DOCK4: variants seen among roughly 807,000 people sequenced by gnomAD.
DOCK4 encodes the protein dedicator of cytokinesis protein 4.
A neutral mutation model predicts 268.1 loss-of-function variants in DOCK4; 97 were observed. The ratio of observed to expected loss-of-function variants is 0.36; its 90% CI spans 0.31 to 0.43. The LOEUF is 0.43. Ranked by LOEUF, DOCK4 falls within the 20% of genes least tolerant of loss-of-function variation. DOCK4 has a pLI of 1.00. For missense variants in DOCK4, 2,145 were observed against 2,455.7 expected, an observed-to-expected ratio of 0.87 and a Z score of 2.67; for synonymous variants, 954 against 887.2, an observed-to-expected ratio of 1.08 and a Z score of -1.34.
intron 44 of DOCK4, among the ~76,000 whole-genome samples, chr7:111,744,115 T>G (rs2133457069): frequency 6.6e-6 from 1 of 152,270 alleles, no homozygotes; most frequent in African/African-American, 2.4e-5. Context: ...CCTGTGTTGG[T>G]CCCAAATGGC....
At chr7:111,781,229 G>A (rs1709777215) in intron 35 of DOCK4, among the ~76,000 whole-genome samples, 1 of 152,218 alleles carries the variant, frequency 6.6e-6, no homozygotes, top group South Asian at 2.1e-4. Flanking sequence ...TTATTTATGG[G>A]ACTTTGTGCC....
At chr7:112,203,856 C>T (rs1246527519) in intron 1 of DOCK4, among the ~76,000 whole-genome samples, 1 of 151,694 alleles carries the variant, frequency 6.6e-6, no homozygotes, top group African/African-American at 2.4e-5. Flanking sequence ...CACACACACA[C>T]ACACACACAC....
chr7:111,970,110 A>G (rs956362746), intron 8 of DOCK4, among the ~76,000 whole-genome samples: 1 of 152,096 alleles, frequency 6.6e-6, no homozygotes, highest in Non-Finnish European at 1.5e-5. Context: ...CTCCCACTCT[A>G]GTTTCCTAAA....
chr7:111,792,069 T>C (rs964487742), intron 30 of DOCK4, among the ~76,000 whole-genome samples: 2 of 152,256 alleles, frequency 1.3e-5, no homozygotes, highest in African/African-American at 2.4e-5. Flanking sequence ...TGGACACAGA[T>C]GATTTCATGT....
At chr7:112,061,223 T>C (rs1215763823) in intron 1 of DOCK4, among the ~76,000 whole-genome samples, 1 of 152,190 alleles carries the variant, frequency 6.6e-6, no homozygotes, top group Admixed American at 6.5e-5. Context: ...GATGAATTCA[T>C]GGTTACAGCC....
intron 16 of DOCK4, among the ~76,000 whole-genome samples, chr7:111,879,353 C>T (rs768691237): frequency 7.9e-5 from 12 of 152,118 alleles, no homozygotes; most frequent in Non-Finnish European, 1.6e-4. Context: ...GGCTTGGGCT[C>T]TGAGACGTCC....
intron 15 of DOCK4, among the ~76,000 whole-genome samples, chr7:111,896,090 TAAATGAATGAAC>T (rs1238302204): frequency 6.6e-6 from 1 of 152,172 alleles, no homozygotes; most frequent in African/African-American, 2.4e-5. Context: ...AAATATATGA[TAAATGAATGAAC>T]AAGTGAATGA....
chr7:112,035,021 T>C (rs1803627658), intron 1 of DOCK4, among the ~76,000 whole-genome samples: 1 of 152,202 alleles, frequency 6.6e-6, no homozygotes, highest in Non-Finnish European at 1.5e-5. Context: ...ATGCTTCATC[T>C]AGGAAAGTCC....
intron 30 of DOCK4, among the ~76,000 whole-genome samples, chr7:111,795,294 TAAACAAAC>T (rs139322505): frequency 0.055 from 8,356 of 151,904 alleles, 722 homozygotes; most frequent in African/African-American, 0.19. Flanking sequence ...AGGACTTCTC[TAAACAAAC>T]AAACAAACAA....
At chr7:112,154,499 T>G (rs1237627617) in intron 1 of DOCK4, among the ~76,000 whole-genome samples, 1 of 112,646 alleles carries the variant, frequency 8.9e-6, no homozygotes, top group Non-Finnish European at 1.9e-5. Context: ...GTTTTACATT[T>G]GTCACAAATG....
Position 111,802,978 on chromosome 7 carries a change from C to T in DOCK4, c.3166+5843G>A, listed in dbSNP as rs115171713. 6.7e-3 allele frequency among the ~76,000 whole-genome samples: 1,026 copies of T among 152,172 alleles called. 15 individuals are homozygous for T. The highest frequency in any genetic ancestry group is 0.023 in the African/African-American group (956 of 41,496). ...ATAGGACATTTTACAAATATAGAAC[C>T]CTAATGCCTTTATCACACCTAAAAA... is the stretch of plus-strand genomic sequence containing the variant. On this transcript the variant is annotated intron_variant, in intron 30 of 52. Transcript: ENST00000428084.
At chr7:112,161,530 T>C (rs2116498992) in intron 1 of DOCK4, among the ~76,000 whole-genome samples, 1 of 152,318 alleles carries the variant, frequency 6.6e-6, no homozygotes, top group African/African-American at 2.4e-5. Flanking sequence ...GTCTTTATCA[T>C]TGTGTCAACC....
chr7:111,842,182 A>G (rs987210295), intron 25 of DOCK4, among the ~76,000 whole-genome samples: 3 of 152,160 alleles, frequency 2.0e-5, no homozygotes, highest in Non-Finnish European at 2.9e-5. Context: ...AAACAGAAAA[A>G]GACTCTGACA....
chr7:111,783,018 G>GAAAA (rs35825505), intron 34 of DOCK4, 94 bp from the exon 35 acceptor site: 96 of 513,002 alleles, frequency 1.9e-4, no homozygotes, highest in Middle Eastern at 1.8e-3. Context: ...AAGAAAGAAA[G>GAAAA]AAAAAAAAAA....
At chr7:112,080,402 A>T (rs1034522562) in intron 1 of DOCK4, among the ~76,000 whole-genome samples, 16 of 152,200 alleles carry the variant, frequency 1.1e-4, no homozygotes, top group African/African-American at 1.9e-4. Flanking sequence ...CAAGTAATTT[A>T]AAAAAGTTTT....
chr7:111,890,807 T>C (rs1212544178), intron 16 of DOCK4, among the ~76,000 whole-genome samples: 2 of 152,240 alleles, frequency 1.3e-5, no homozygotes. Context: ...GATTTCTTCT[T>C]AGCTCACTGC....
chr7:112,201,759 C>T (rs2116884319), intron 1 of DOCK4, among the ~76,000 whole-genome samples: 1 of 152,206 alleles, frequency 6.6e-6, no homozygotes, highest in East Asian at 1.9e-4. Context: ...GCTTTAGTCA[C>T]CATTCTGTGC....
chr7:112,196,989 C>T (rs142726043), intron 1 of DOCK4, among the ~76,000 whole-genome samples: 53 of 152,206 alleles, frequency 3.5e-4, no homozygotes, highest in Admixed American at 2.7e-3. Context: ...ATAATCACCA[C>T]GCCGTACCAC....
At chr7:111,882,268 TA>T (rs201560943) in intron 16 of DOCK4, among the ~76,000 whole-genome samples, 1 of 152,114 alleles carries the variant, frequency 6.6e-6, no homozygotes, top group Non-Finnish European at 1.5e-5. Flanking sequence ...ATCATTTGGG[TA>T]AAAAAATCCA....
Sources: gnomAD v4.1 joint callset for allele counts (sites outside exome capture counted in the v4.1 genomes callset) on GRCh38, gnomAD v4.1.1 for gene constraint, MANE v1.5 for transcripts, NCBI Gene and HGNC (gene_info 2026-07-23, HGNC 2026-07-21) for gene names.